GCSAML: variants seen among roughly 807,000 people sequenced by gnomAD.
The protein encoded by GCSAML is germinal center-associated signaling and motility-like protein.
GCSAML carries 9 observed loss-of-function variants against 13.0 expected under a neutral mutation model. That is an observed-to-expected ratio of 0.69 (90% confidence interval 0.42 to 1.21). The LOEUF (loss-of-function observed/expected upper bound fraction) is 1.21, where lower values mean the gene tolerates loss of function less well. Ranked by LOEUF, GCSAML falls within the 50% of genes most tolerant of loss-of-function variation. GCSAML has a pLI of 0.00. For missense variants in GCSAML, 143 were observed against 153.4 expected (o/e 0.93, Z 0.36); for synonymous variants, 37 against 52.9 (o/e 0.70, Z 1.31).
chr1:247,555,351 A>G lies in GCSAML; in HGVS notation c.30-1056A>G, dbSNP rs568067462. On this transcript the variant is annotated intron_variant, in intron 1 of 4. Coordinates refer to ENST00000366488, the MANE Select transcript of GCSAML (RefSeq NM_145278.5). ...AGTTAAATTACTTTTTACCTGATTT[A>G]CAATCTACACTATTAAATAAACATT... Among the ~76,000 whole-genome samples the G allele has an allele frequency of 4.6e-5, 7 of 152,146 alleles. No homozygotes were observed. The East Asian group carries it at 1.4e-3, about 30-fold the overall frequency.
intron 1 of GCSAML, among the ~76,000 whole-genome samples, chr1:247,549,519 T>C (rs1380135864): frequency 6.6e-6 from 1 of 152,242 alleles, no homozygotes; most frequent in Non-Finnish European, 1.5e-5. Flanking sequence ...TTTTGGGCAT[T>C]ATAACATGGG....
intron 2 of GCSAML, among the ~76,000 whole-genome samples, chr1:247,558,763 A>G (rs114924454): frequency 6.6e-6 from 1 of 152,176 alleles, no homozygotes; most frequent in Admixed American, 6.5e-5. Flanking sequence ...ATAATATTTT[A>G]CCTGTATCCT....
upstream of GCSAML, chr1:247,548,964 G>A (rs1031032239): frequency 1.2e-4 from 123 of 1,051,634 alleles, no homozygotes; most frequent in East Asian, 8.5e-4. This position sits in a 1 kb window ranked among gnomAD's most constrained non-coding sequence, Gnocchi z 5.3. Flanking sequence ...GTGTGTGTGC[G>A]TGCAGGCACA....
chr1:247,545,831 A>T (rs189245115), upstream of GCSAML, among the ~76,000 whole-genome samples: 1 of 152,144 alleles, frequency 6.6e-6, no homozygotes. Context: ...ATTTTCTCCC[A>T]CTCCATAGGT....
At chr1:247,558,850 T>A (rs182141495) in intron 2 of GCSAML, among the ~76,000 whole-genome samples, 1 of 152,314 alleles carries the variant, frequency 6.6e-6, no homozygotes, top group Admixed American at 6.5e-5. Context: ...GAGTAGTTTT[T>A]AAATTTCAAA....
chr1:247,523,041 CTA>C (rs903848962), intron 1 of GCSAML, among the ~76,000 whole-genome samples: 1 of 151,932 alleles, frequency 6.6e-6, no homozygotes, highest in Non-Finnish European at 1.5e-5. Flanking sequence ...ATGAAATCCT[CTA>C]TTGTATCAAA....
intron 1 of GCSAML, among the ~76,000 whole-genome samples, chr1:247,512,078 C>T (rs1188076209): frequency 6.6e-6 from 1 of 152,114 alleles, no homozygotes; most frequent in African/African-American, 2.4e-5. Context: ...GGAAATTCTC[C>T]TGGATAATAT....
intron 1 of GCSAML, among the ~76,000 whole-genome samples, chr1:247,550,085 G>A (rs1373166943): frequency 2.6e-5 from 4 of 152,186 alleles, no homozygotes; most frequent in African/African-American, 9.7e-5. Flanking sequence ...ATCCCAGCAA[G>A]TCTTGTTCTG....
upstream of GCSAML, among the ~76,000 whole-genome samples, chr1:247,545,655 C>G (rs1054044533): frequency 2.0e-5 from 3 of 152,122 alleles, no homozygotes; most frequent in African/African-American, 7.2e-5. Context: ...TTTCAAAGAC[C>G]TCTTGGCCAT....
chr1:247,554,813 A>G (rs559123270), intron 1 of GCSAML, among the ~76,000 whole-genome samples: 2 of 152,290 alleles, frequency 1.3e-5, no homozygotes, highest in South Asian at 4.1e-4. Flanking sequence ...CTTTCTTTGT[A>G]GAGTTATGAA....
At chr1:247,538,052 A>G (rs1474226253) in intron 2 of GCSAML, among the ~76,000 whole-genome samples, 2 of 152,186 alleles carry the variant, frequency 1.3e-5, no homozygotes, top group Non-Finnish European at 1.5e-5. Context: ...GTCATATTTA[A>G]CAAAACAGTG....
At chr1:247,557,092 T>C (rs1667983000) in intron 2 of GCSAML, among the ~76,000 whole-genome samples, 1 of 152,222 alleles carries the variant, frequency 6.6e-6, no homozygotes, top group Non-Finnish European at 1.5e-5. Context: ...TTTGGACTGA[T>C]TGATAACGTC....
chr1:247,523,364 C>G (rs12081895), intron 1 of GCSAML, among the ~76,000 whole-genome samples: 28,695 of 152,142 alleles, frequency 0.19, 2,872 homozygotes, highest in African/African-American at 0.23. Flanking sequence ...TATTGAGTAC[C>G]AATTTCTCAT....
intron 1 of GCSAML, among the ~76,000 whole-genome samples, chr1:247,524,446 T>C (rs1351340869): frequency 6.6e-6 from 1 of 152,196 alleles, no homozygotes; most frequent in Non-Finnish European, 1.5e-5. Context: ...TGTCACCTTC[T>C]CCAGGCTCAC....
At chr1:247,509,613 A>G (rs111729703) in intron 1 of GCSAML, among the ~76,000 whole-genome samples, 1 of 152,188 alleles carries the variant, frequency 6.6e-6, no homozygotes, top group African/African-American at 2.4e-5. Flanking sequence ...GCTTTTGCCT[A>G]TTCAGTATGA....
intron 4 of GCSAML, among the ~76,000 whole-genome samples, chr1:247,572,029 C>T (rs903010160): frequency 1.2e-4 from 18 of 152,054 alleles, no homozygotes; most frequent in African/African-American, 3.6e-4. Context: ...ACGAAGTTTT[C>T]GTGCTATGTT....
intron 1 of GCSAML, among the ~76,000 whole-genome samples, chr1:247,511,713 A>T (rs529136450): frequency 1.3e-5 from 2 of 151,908 alleles, no homozygotes; most frequent in South Asian, 4.2e-4. Context: ...TGGTGACAAA[A>T]CCTCTCAGCA....
chr1:247,536,610 G>A (rs1667228426), intron 2 of GCSAML, among the ~76,000 whole-genome samples: 1 of 152,140 alleles, frequency 6.6e-6, no homozygotes, highest in Non-Finnish European at 1.5e-5. Context: ...GCCTGAGGGT[G>A]ATGGCATATA....
At chr1:247,552,483 C>A (rs1238776772) in intron 1 of GCSAML, among the ~76,000 whole-genome samples, 3 of 152,200 alleles carry the variant, frequency 2.0e-5, no homozygotes, top group Non-Finnish European at 4.4e-5. Flanking sequence ...GCAGATGAGT[C>A]TGGGGAAGGT....
Sources: gnomAD v4.1 joint callset for allele counts (sites outside exome capture counted in the v4.1 genomes callset) on GRCh38, gnomAD v4.1.1 for gene constraint, Gnocchi (gnomAD v3.1) non-coding constraint, MANE v1.5 for transcripts, NCBI Gene and HGNC (gene_info 2026-07-23, HGNC 2026-07-21) for gene names.